Variants in ENTREP2 observed in about 807,000 individuals in gnomAD.
ENTREP2 encodes the protein protein ENTREP2.
the ENTREP2 span, among the ~76,000 whole-genome samples, chr15:29,456,657 C>T: frequency 1.3e-5 from 2 of 152,108 alleles, no homozygotes; most frequent in African/African-American, 4.8e-5. Context: ...CTACGAAACC[C>T]TGGAGAAAAT....
chr15:29,449,208 G>A, the ENTREP2 span, among the ~76,000 whole-genome samples: 1 of 152,240 alleles, frequency 6.6e-6, no homozygotes, highest in South Asian at 2.1e-4. Context: ...AAGCTGCCAA[G>A]CTCAAAGGAG....
the ENTREP2 span, chr15:29,264,984 A>C: frequency 3.3e-5 from 5 of 152,222 alleles, no homozygotes; most frequent in Admixed American, 3.3e-4. Flanking sequence ...GCCCCAAAAA[A>C]CAAATTTACA....
chr15:29,534,079 G>C, the ENTREP2 span, among the ~76,000 whole-genome samples: 2 of 135,310 alleles, frequency 1.5e-5, no homozygotes, highest in African/African-American at 5.7e-5. Flanking sequence ...CCACACCAGT[G>C]GGTCACATCT....
the ENTREP2 span, among the ~76,000 whole-genome samples, chr15:29,632,547 T>G: frequency 6.6e-6 from 1 of 152,132 alleles, no homozygotes. Flanking sequence ...TTTGGGAAGC[T>G]GAGGCAGGTG....
the ENTREP2 span, among the ~76,000 whole-genome samples, chr15:29,247,708 T>G: frequency 6.6e-6 from 1 of 150,670 alleles, no homozygotes; most frequent in East Asian, 2.0e-4. Flanking sequence ...CCCTGCTTAA[T>G]AGCAGCCAAC....
At chr15:29,274,111 G>A in the ENTREP2 span, among the ~76,000 whole-genome samples, 1 of 152,114 alleles carries the variant, frequency 6.6e-6, no homozygotes, top group Non-Finnish European at 1.5e-5. Context: ...TTAGGGTTTG[G>A]TGCTGTCCAC....
At chr15:29,289,717 G>A in the ENTREP2 span, among the ~76,000 whole-genome samples, 2,216 of 152,018 alleles carry the variant, frequency 0.015, 37 homozygotes, top group South Asian at 0.064. Flanking sequence ...ATGGTGGTGC[G>A]CACCTGTAAA....
At chr15:29,402,208 T>C in the ENTREP2 span, among the ~76,000 whole-genome samples, 4 of 151,232 alleles carry the variant, frequency 2.6e-5, no homozygotes, top group East Asian at 3.9e-4. Flanking sequence ...CATATATTCA[T>C]TGGGTCCTTC....
chr15:29,568,552 G>A, the ENTREP2 span, among the ~76,000 whole-genome samples: 1 of 151,734 alleles, frequency 6.6e-6, no homozygotes, highest in East Asian at 1.9e-4. Flanking sequence ...AATGTTTTTA[G>A]TATTAGCCAG....
At chr15:29,615,981 G>A in the ENTREP2 span, among the ~76,000 whole-genome samples, 1 of 152,206 alleles carries the variant, frequency 6.6e-6, no homozygotes. Context: ...CAGAGGACCT[G>A]GTGGGACAGC....
the ENTREP2 span, among the ~76,000 whole-genome samples, chr15:29,487,526 A>G: frequency 6.6e-6 from 1 of 152,232 alleles, no homozygotes; most frequent in Admixed American, 6.5e-5. Flanking sequence ...TCTCTTTGAC[A>G]GCACTAGCTG....
chr15:29,198,930 T>C, the ENTREP2 span, among the ~76,000 whole-genome samples: 1 of 152,284 alleles, frequency 6.6e-6, no homozygotes, highest in African/African-American at 2.4e-5. Flanking sequence ...ATAAATATAG[T>C]TGATCATGTT....
the ENTREP2 span, among the ~76,000 whole-genome samples, chr15:29,472,825 T>C: frequency 2.6e-5 from 4 of 152,242 alleles, no homozygotes; most frequent in Non-Finnish European, 5.9e-5. Context: ...GTGATATAAA[T>C]ACAAGAATCT....
the ENTREP2 span, among the ~76,000 whole-genome samples, chr15:29,132,197 T>G: frequency 1.1e-4 from 17 of 152,170 alleles, no homozygotes; most frequent in Admixed American, 1.1e-3. Context: ...TCGCCCGGGC[T>G]GCGGGGTCGT....
chr15:29,425,192 G>GTTT, the ENTREP2 span, among the ~76,000 whole-genome samples: 1 of 91,282 alleles, frequency 1.1e-5, no homozygotes, highest in Admixed American at 1.2e-4. Context: ...CCACGTCCAG[G>GTTT]TTTTTTGTTT....
the ENTREP2 span, among the ~76,000 whole-genome samples, chr15:29,378,555 G>T: frequency 2.0e-5 from 3 of 152,276 alleles, no homozygotes; most frequent in East Asian, 3.9e-4. Context: ...TCAGTGGAAA[G>T]AAGAGAAAAT....
chr15:29,134,724 C>T, the ENTREP2 span, among the ~76,000 whole-genome samples: 2 of 152,200 alleles, frequency 1.3e-5, no homozygotes, highest in Non-Finnish European at 2.9e-5. Flanking sequence ...AACATGGAAA[C>T]TGCTCCTCCA....
chr15:29,600,445 T>C, the ENTREP2 span, among the ~76,000 whole-genome samples: 1 of 134,998 alleles, frequency 7.4e-6, no homozygotes, highest in East Asian at 2.3e-4. Flanking sequence ...CCCACCATCA[T>C]CATCATCATC....
the ENTREP2 span, among the ~76,000 whole-genome samples, chr15:29,160,370 G>A: frequency 6.6e-6 from 1 of 152,166 alleles, no homozygotes; most frequent in African/African-American, 2.4e-5. Flanking sequence ...CGCCAAAGTG[G>A]GAGCCCAGGC....
Sources: gnomAD v4.1 joint callset for allele counts (sites outside exome capture counted in the v4.1 genomes callset) on GRCh38, gnomAD v4.1.1 for gene constraint, MANE v1.5 for transcripts, NCBI Gene and HGNC (gene_info 2026-07-23, HGNC 2026-07-21) for gene names.